LINGO2: variants seen among roughly 807,000 people sequenced by gnomAD.
The protein encoded by LINGO2 is leucine-rich repeat and immunoglobulin-like domain-containing nogo receptor-interacting protein 2.
LINGO2 carries 14 observed loss-of-function variants against 30.6 expected under a neutral mutation model. The observed-to-expected ratio is 0.46, with a 90% CI of 0.30 to 0.72. The LOEUF is 0.72. Among genes scored for constraint, LINGO2 ranks in the 30% least tolerant of loss-of-function variants. The pLI is 0.07. For synonymous variants in LINGO2, 317 were observed against 288.5 expected, an observed-to-expected ratio of 1.10 and a Z score of -1.00; for missense variants, 729 against 751.7, an observed-to-expected ratio of 0.97 and a Z score of 0.35.
At chr9:28,901,500 G>A in the LINGO2 span, among the ~76,000 whole-genome samples, 1,085 of 151,546 alleles carry the variant, frequency 7.2e-3, 8 homozygotes, top group African/African-American at 0.023. Flanking sequence ...AATAATAGGC[G>A]CAATTATTTG....
intron 4 of LINGO2, among the ~76,000 whole-genome samples, chr9:28,078,101 T>G (rs1825677557): frequency 6.7e-6 from 1 of 149,350 alleles, no homozygotes; most frequent in African/African-American, 2.6e-5. Context: ...GGTAATGTAT[T>G]GACAGAGAAA....
intron 1 of LINGO2, among the ~76,000 whole-genome samples, chr9:28,531,189 C>T (rs1169126807): frequency 6.6e-6 from 1 of 151,882 alleles, no homozygotes; most frequent in African/African-American, 2.4e-5. Context: ...ATGCTTTCTT[C>T]ATAAAATCCA....
intron 4 of LINGO2, among the ~76,000 whole-genome samples, chr9:28,292,779 C>A (rs1195991420): frequency 7.0e-6 from 1 of 143,422 alleles, no homozygotes; most frequent in Non-Finnish European, 1.5e-5. Context: ...TTTTTTCTTT[C>A]TTTCTTTTTG....
intron 2 of LINGO2, among the ~76,000 whole-genome samples, chr9:28,439,805 G>A (rs761228574): frequency 2.0e-5 from 3 of 152,072 alleles, no homozygotes; most frequent in Non-Finnish European, 2.9e-5. Flanking sequence ...TTAATACACC[G>A]TGAAACTAGC....
At chr9:29,164,802 A>T in the LINGO2 span, among the ~76,000 whole-genome samples, 1 of 152,148 alleles carries the variant, frequency 6.6e-6, no homozygotes, top group Non-Finnish European at 1.5e-5. Flanking sequence ...AATTGAATGA[A>T]ATAAGATTCC....
intron 1 of LINGO2, among the ~76,000 whole-genome samples, chr9:28,650,534 A>G (rs971970379): frequency 2.0e-5 from 3 of 152,090 alleles, no homozygotes; most frequent in African/African-American, 7.2e-5. Flanking sequence ...TAAAGTCCTC[A>G]CTTCCCTAGC....
the LINGO2 span, among the ~76,000 whole-genome samples, chr9:28,702,724 A>G: frequency 6.6e-6 from 1 of 151,902 alleles, no homozygotes; most frequent in Non-Finnish European, 1.5e-5. Context: ...TAATTCTTCA[A>G]TAAATGTTTG....
At chr9:28,761,576 G>C in the LINGO2 span, among the ~76,000 whole-genome samples, 2 of 151,804 alleles carry the variant, frequency 1.3e-5, no homozygotes, top group Admixed American at 1.3e-4. Flanking sequence ...TTCATCTTTT[G>C]ATAGTCTGAA....
chr9:29,119,153 A>G, the LINGO2 span, among the ~76,000 whole-genome samples: 142 of 152,312 alleles, frequency 9.3e-4, no homozygotes, highest in African/African-American at 3.2e-3. Context: ...AGCCATAACA[A>G]TCAGCATTCC....
intron 2 of LINGO2, among the ~76,000 whole-genome samples, chr9:28,430,098 G>A (rs933953873): frequency 7.5e-4 from 17 of 22,740 alleles, no homozygotes; most frequent in African/African-American, 1.5e-3. Flanking sequence ...TGATTTCCAC[G>A]CGCGCGCGCG....
At chr9:28,000,369 AAAG>A (rs1388672708) in intron 5 of LINGO2, among the ~76,000 whole-genome samples, 7 of 149,710 alleles carry the variant, frequency 4.7e-5, no homozygotes, top group Non-Finnish European at 1.0e-4. Flanking sequence ...AACAAGCCGA[AAAG>A]AAGGAGGAGA....
intron 1 of LINGO2, among the ~76,000 whole-genome samples, chr9:28,625,769 GAT>G (rs1826634888): frequency 6.6e-6 from 1 of 151,966 alleles, no homozygotes; most frequent in Non-Finnish European, 1.5e-5. Flanking sequence ...TATAAAGAAA[GAT>G]ATTAATGTAG....
rs4007457 is a variant in LINGO2 at position 28,148,668 on chromosome 9, C to A, written c.-86-136263G>T. On this transcript the variant is annotated intron_variant, in intron 4 of 5. Coordinates refer to ENST00000379992, the Ensembl canonical transcript of LINGO2. The surrounding 1 kb of genome is among the most constrained non-coding windows in gnomAD (Gnocchi z 5.1). The stretch of plus-strand genomic sequence containing the variant: ...AACCAGACTGACAAGGCCCAGGTGC[C>A]TGCAGTGAGTTTCTACTCCAACGGC... The A allele has an allele frequency of 5.9e-6, 9 of 1,532,706 alleles. No individual in the cohort carries two copies. The African/African-American group carries it at 1.1e-4, about 19-fold the overall frequency. 94.9% of individuals were successfully genotyped at this position (1,532,706 alleles called of 1,614,324 possible).
At chr9:28,019,278 A>G (rs1284847038) in intron 4 of LINGO2, among the ~76,000 whole-genome samples, 1 of 151,570 alleles carries the variant, frequency 6.6e-6, no homozygotes, top group East Asian at 1.9e-4. Context: ...AAACTTAAAA[A>G]AAAAAATCAG....
At chr9:28,484,177 T>A (rs1335981412) in intron 1 of LINGO2, among the ~76,000 whole-genome samples, 2 of 152,036 alleles carry the variant, frequency 1.3e-5, no homozygotes, top group South Asian at 2.1e-4. Flanking sequence ...ATGACTCACA[T>A]AATTACACAA....
intron 4 of LINGO2, among the ~76,000 whole-genome samples, chr9:28,281,379 C>A (rs1405210948): frequency 6.6e-6 from 1 of 151,908 alleles, no homozygotes; most frequent in Non-Finnish European, 1.5e-5. Flanking sequence ...TTTCTTTTAA[C>A]CATTAAATGC....
intron 1 of LINGO2, among the ~76,000 whole-genome samples, chr9:28,530,384 G>T (rs1821186219): frequency 6.6e-6 from 1 of 151,950 alleles, no homozygotes; most frequent in African/African-American, 2.4e-5. Flanking sequence ...ATACAGTTTG[G>T]CTCAAATAAA....
intron 4 of LINGO2, among the ~76,000 whole-genome samples, chr9:28,094,428 G>A (rs1267631360): frequency 9.2e-5 from 14 of 151,896 alleles, no homozygotes; most frequent in Non-Finnish European, 1.6e-4. Flanking sequence ...TATAAGAAAG[G>A]CCATCTTGAA....
At chr9:29,092,432 G>A in the LINGO2 span, among the ~76,000 whole-genome samples, 2 of 151,894 alleles carry the variant, frequency 1.3e-5, no homozygotes, top group African/African-American at 4.8e-5. Context: ...ACCAATTATT[G>A]GCTGTAAAAT....
Sources: gnomAD v4.1 joint callset for allele counts (sites outside exome capture counted in the v4.1 genomes callset) on GRCh38, gnomAD v4.1.1 for gene constraint, Gnocchi (gnomAD v3.1) non-coding constraint, MANE v1.5 for transcripts, NCBI Gene and HGNC (gene_info 2026-07-23, HGNC 2026-07-21) for gene names.